Variants in CTNNA3 observed in about 807,000 individuals in gnomAD.
The protein encoded by CTNNA3 is catenin alpha-3.
In CTNNA3, 76 loss-of-function variants were observed where a neutral mutation model predicts 95.7. The ratio of observed to expected loss-of-function variants is 0.79; its 90% CI spans 0.66 to 0.96. The LOEUF is 0.96. Among genes scored for constraint, CTNNA3 ranks in the 40% least tolerant of loss-of-function variants. The pLI is 0.00. For missense variants in CTNNA3, 1,191 were observed against 1,089.8 expected, an observed-to-expected ratio of 1.09 and a Z score of -1.31; for synonymous variants, 431 against 374.4, an observed-to-expected ratio of 1.15 and a Z score of -1.74.
At chr10:66,079,540 A>G (rs2080664702) in intron 14 of CTNNA3, among the ~76,000 whole-genome samples, 1 of 151,970 alleles carries the variant, frequency 6.6e-6, no homozygotes, top group African/African-American at 2.4e-5. Flanking sequence ...GTGTAATTGA[A>G]TATAATTACC....
chr10:66,863,343 C>T (rs530418748), intron 7 of CTNNA3, among the ~76,000 whole-genome samples: 7 of 152,006 alleles, frequency 4.6e-5, no homozygotes, highest in South Asian at 2.1e-4. Flanking sequence ...AAAAATCATC[C>T]GCTATATGGC....
intron 13 of CTNNA3, among the ~76,000 whole-genome samples, chr10:66,208,598 G>A (rs890491530): frequency 6.6e-6 from 1 of 151,812 alleles, no homozygotes; most frequent in Non-Finnish European, 1.5e-5. Flanking sequence ...TCAAGAACAC[G>A]CTTGAAAGGA....
chr10:67,387,397 C>G (rs1243230071), intron 5 of CTNNA3, among the ~76,000 whole-genome samples: 1 of 152,090 alleles, frequency 6.6e-6, no homozygotes, highest in Non-Finnish European at 1.5e-5. Context: ...GCACCTGGCT[C>G]GGAGGGTCCT....
At chr10:66,222,016 C>T (rs1014572487) in intron 13 of CTNNA3, among the ~76,000 whole-genome samples, 1 of 152,086 alleles carries the variant, frequency 6.6e-6, no homozygotes, top group Non-Finnish European at 1.5e-5. Context: ...AGGTTATTGG[C>T]CAATCAATGG....
chr10:67,624,449 T>G (rs1450101867), intron 2 of CTNNA3, among the ~76,000 whole-genome samples: 1 of 152,042 alleles, frequency 6.6e-6, no homozygotes, highest in Non-Finnish European at 1.5e-5. Context: ...TTCCCCTATC[T>G]CCCCTCCTCT....
intron 13 of CTNNA3, among the ~76,000 whole-genome samples, chr10:66,198,673 A>T (rs2087119998): frequency 6.6e-6 from 1 of 152,148 alleles, no homozygotes; most frequent in African/African-American, 2.4e-5. Context: ...ACATTCATTA[A>T]TAATTAAAGA....
intron 13 of CTNNA3, among the ~76,000 whole-genome samples, chr10:66,199,801 ATAT>A (rs1357482692): frequency 7.6e-5 from 1 of 13,194 alleles, no homozygotes; most frequent in African/African-American, 3.5e-4. Flanking sequence ...ATATATATAT[ATAT>A]ATTTTTTTTT....
At chr10:67,619,875 C>A (rs1843772186) in intron 2 of CTNNA3, among the ~76,000 whole-genome samples, 4 of 152,126 alleles carry the variant, frequency 2.6e-5, no homozygotes, top group African/African-American at 7.2e-5. Flanking sequence ...CTTGCCATCA[C>A]AATCTTGAAG....
At chr10:66,459,678 T>C (rs901166811) in intron 11 of CTNNA3, among the ~76,000 whole-genome samples, 8 of 152,194 alleles carry the variant, frequency 5.3e-5, no homozygotes, top group African/African-American at 1.9e-4. Context: ...GTATAGCCTG[T>C]TGCTTCTAGG....
At chr10:67,694,534 T>A (rs917480148) in intron 1 of CTNNA3, among the ~76,000 whole-genome samples, 1 of 152,082 alleles carries the variant, frequency 6.6e-6, no homozygotes, top group Non-Finnish European at 1.5e-5. Flanking sequence ...CATATACACA[T>A]AAGTAAATAA....
chr10:66,529,856 T>G (rs1841405089), intron 10 of CTNNA3, among the ~76,000 whole-genome samples: 1 of 152,184 alleles, frequency 6.6e-6, no homozygotes, highest in African/African-American at 2.4e-5. Flanking sequence ...AGTTTCACTT[T>G]GCTTTAAACT....
chr10:67,615,179 A>G (rs1333538784), intron 2 of CTNNA3, among the ~76,000 whole-genome samples: 1 of 152,218 alleles, frequency 6.6e-6, no homozygotes, highest in African/African-American at 2.4e-5. Flanking sequence ...TTTTAAAAAT[A>G]TAATTTAGGG....
chr10:66,682,341 T>A (rs112006463), intron 9 of CTNNA3, among the ~76,000 whole-genome samples: 11,602 of 151,982 alleles, frequency 0.076, 494 homozygotes, highest in Middle Eastern at 0.13. Flanking sequence ...ATAATAAGAA[T>A]TAAAGGTAAA....
chr10:66,471,282 TC>T (rs1396335610), intron 11 of CTNNA3, among the ~76,000 whole-genome samples: 4 of 151,902 alleles, frequency 2.6e-5, no homozygotes, highest in Non-Finnish European at 5.9e-5. Flanking sequence ...ACAACATATA[TC>T]AATGCATATC....
rs1197845049 is a variant in CTNNA3, at chr10:66,978,552, A to ATATATATATATAT, written c.1047+201764_1047+201765insATATATATATATA. 5.5e-4 allele frequency among the ~76,000 whole-genome samples: 21 copies of ATATATATATATAT among 37,886 alleles called. No homozygotes were observed. The South Asian group carries it at 5.8e-3, about 10-fold the overall frequency. The allele number at this position is 37,886 out of a possible 152,430, so 24.9% of individuals were successfully genotyped here. On this transcript the variant is annotated intron_variant, in intron 7 of 17. Coordinates refer to ENST00000433211, the MANE Select transcript of CTNNA3 (RefSeq NM_013266.4). ...AAAAAAAAAAAAAAAAAAAAAAAAA[A>ATATATATATATAT]ATATATATATATATATATAGTATGG...
chr10:67,543,313 A>G (rs951559963), intron 3 of CTNNA3, among the ~76,000 whole-genome samples: 2 of 152,064 alleles, frequency 1.3e-5, no homozygotes, highest in Non-Finnish European at 2.9e-5. Context: ...TGAATATACA[A>G]AAATCTGGCT....
intron 1 of CTNNA3, among the ~76,000 whole-genome samples, chr10:67,680,433 G>A (rs1361577483): frequency 4.6e-5 from 7 of 152,142 alleles, no homozygotes; most frequent in Admixed American, 4.6e-4. Flanking sequence ...AATCAATCAT[G>A]GCTTGGGTGA....
chr10:67,044,859 A>G (rs754918403), intron 7 of CTNNA3, among the ~76,000 whole-genome samples: 1 of 152,190 alleles, frequency 6.6e-6, no homozygotes, highest in African/African-American at 2.4e-5. Flanking sequence ...GCCACTTTCT[A>G]GCTTTATGAC....
At position 66,927,471 on chromosome 10, in the gene CTNNA3, T is replaced by C; in HGVS notation, c.1048-151947A>G. ...TCCAAGACTGCCGCAACCTGGAACTTTTGGACCTGGGATATAACCGGATCC... is the reference window on the plus strand; with the variant it reads ...TCCAAGACTGCCGCAACCTGGAACTCTTGGACCTGGGATATAACCGGATCC... On this transcript the variant is annotated intron_variant, in intron 7 of 17. Coordinates refer to ENST00000433211, the MANE Select transcript of CTNNA3 (RefSeq NM_013266.4). The surrounding 1 kb of genome is among the most constrained non-coding windows in gnomAD (Gnocchi z 4.7). The C allele has an allele frequency of 6.2e-7, 1 of 1,614,092 alleles. No individual in the cohort carries two copies. The highest frequency in any genetic ancestry group is 1.1e-5 in the South Asian group (1 of 91,082).
Sources: gnomAD v4.1 joint callset for allele counts (sites outside exome capture counted in the v4.1 genomes callset) on GRCh38, gnomAD v4.1.1 for gene constraint, Gnocchi (gnomAD v3.1) non-coding constraint, MANE v1.5 for transcripts, NCBI Gene and HGNC (gene_info 2026-07-23, HGNC 2026-07-21) for gene names.